Variants in PDZD2 observed in about 807,000 individuals in gnomAD.
The protein encoded by PDZD2 is PDZ domain-containing protein 2.
PDZD2 carries 90 observed loss-of-function variants against 220.7 expected under a neutral mutation model. That is an observed-to-expected ratio of 0.41 (90% CI 0.34 to 0.49). The LOEUF (loss-of-function observed/expected upper bound fraction) is 0.49, where lower values mean the gene tolerates loss of function less well. Among genes scored for constraint, PDZD2 ranks in the 20% least tolerant of loss-of-function variants. The pLI is 0.28. For missense variants in PDZD2, 3,174 were observed against 3,608.5 expected, an observed-to-expected ratio of 0.88 and a Z score of 3.08; for synonymous variants, 1,375 against 1,450.5, an observed-to-expected ratio of 0.95 and a Z score of 1.18.
chr5:32,037,208 G>T (rs1360111134), intron 6 of PDZD2, 23 bp from the exon 7 acceptor site: 1 of 1,499,792 alleles, frequency 6.7e-7, no homozygotes, highest in South Asian at 1.1e-5. Context: ...TCTCCCATCA[G>T]CTCTGTGCTT....
intron 7 of PDZD2, among the ~76,000 whole-genome samples, chr5:32,038,952 C>T (rs78021028): frequency 6.6e-6 from 1 of 152,192 alleles, no homozygotes; most frequent in Admixed American, 6.5e-5. Context: ...ATGTGTAGTA[C>T]GTTAACGTTC....
chr5:32,105,139 AAAAC>A (rs1463659371), intron 24 of PDZD2, among the ~76,000 whole-genome samples: 10 of 151,518 alleles, frequency 6.6e-5, no homozygotes, highest in East Asian at 1.9e-4. Context: ...GTCTCAAAAA[AAAAC>A]AATCAATCAA....
intron 1 of PDZD2, among the ~76,000 whole-genome samples, chr5:31,682,046 A>G (rs1358375105): frequency 1.3e-5 from 2 of 152,144 alleles, no homozygotes; most frequent in South Asian, 4.1e-4. Context: ...TCTCCCTAAG[A>G]CGCATAGATA....
rs997478074 is a variant in PDZD2, at chr5:32,110,780, T to C, written c.*2645T>C. The C allele has an allele frequency of 4.6e-5, 7 of 152,634 alleles. No homozygotes were observed. The highest frequency in any genetic ancestry group is 1.7e-4 in the African/African-American group (7 of 41,458). 9.5% of individuals were successfully genotyped at this position (152,634 alleles called of 1,614,324 possible). A position where few individuals can be genotyped will look rare whatever the true frequency, so the allele number is the denominator to read the frequency against. On this transcript the variant is annotated 3_prime_UTR_variant, in exon 25 of 25. Coordinates refer to ENST00000438447, the MANE Select transcript of PDZD2 (RefSeq NM_178140.4). ...TACATTAACCTTTATTTATGTAAAG[T>C]AAAATGCCTTATATATTAAAGAGTA...
At chr5:31,749,855 C>T (rs149140810) in intron 1 of PDZD2, among the ~76,000 whole-genome samples, 1,589 of 152,268 alleles carry the variant, frequency 0.01, 15 homozygotes, top group South Asian at 0.025. Flanking sequence ...AGGTGAGCCG[C>T]GCGTGGCTTC....
At chr5:31,713,640 G>A (rs1748261269) in intron 1 of PDZD2, among the ~76,000 whole-genome samples, 1 of 152,128 alleles carries the variant, frequency 6.6e-6, no homozygotes, top group Non-Finnish European at 1.5e-5. Context: ...GGAGCTGATT[G>A]TTAAAAAGAG....
chr5:32,095,260 T>A (rs879772123), intron 21 of PDZD2, among the ~76,000 whole-genome samples: 1 of 152,108 alleles, frequency 6.6e-6, no homozygotes, highest in Non-Finnish European at 1.5e-5. Flanking sequence ...AGGGTTGTGG[T>A]TTGGTTTGAA....
At chr5:31,692,486 C>T (rs759448557) in intron 1 of PDZD2, among the ~76,000 whole-genome samples, 1 of 152,242 alleles carries the variant, frequency 6.6e-6, no homozygotes, top group Non-Finnish European at 1.5e-5. Flanking sequence ...GTGCCGAGAG[C>T]GAGCGAGGGC....
rs192037959 is a variant in PDZD2, at chr5:31,910,719, A to G, written c.477-72436A>G. Among the ~76,000 whole-genome samples the G allele has an allele frequency of 3.2e-3, 485 of 150,528 alleles. 1 individual carries two copies. The highest frequency in any genetic ancestry group is 0.012 in the African/African-American group (472 of 40,986). On this transcript the variant is annotated intron_variant, in intron 2 of 24. Transcript: ENST00000438447. ...TTTTTTTTGTATTTTTAGTAGAGACAGGGTTTCACCATGTTGGCCAGGCTG... is the reference window on the plus strand; with the variant it reads ...TTTTTTTTGTATTTTTAGTAGAGACGGGGTTTCACCATGTTGGCCAGGCTG...
rs869267293 is a variant in PDZD2, at chr5:31,934,608, A to AG, written c.477-48547_477-48546insG. ...TAGGAGACATTTGAACCATCTAATT[A>AG]AAAAAAAAAAAAAAAAAAGACTTAA... is the stretch of plus-strand genomic sequence containing the variant. On this transcript the variant is annotated intron_variant, in intron 2 of 24. Coordinates refer to ENST00000438447, the MANE Select transcript of PDZD2 (RefSeq NM_178140.4). Among the ~76,000 whole-genome samples the AG allele has an allele frequency of 2.5e-3, 3 of 1,196 alleles. No individual in the cohort carries two copies. The South Asian group carries it at 0.19, about 75-fold the overall frequency. 0.8% of individuals were successfully genotyped at this position (1,196 alleles called of 152,430 possible). A position where few individuals can be genotyped will look rare whatever the true frequency, so the allele number is the denominator to read the frequency against.
intron 2 of PDZD2, among the ~76,000 whole-genome samples, chr5:31,939,259 A>G (rs1160929279): frequency 6.6e-6 from 1 of 152,152 alleles, no homozygotes; most frequent in Non-Finnish European, 1.5e-5. Context: ...TTGGCTCTGA[A>G]TTTAGAGATT....
chr5:31,831,911 C>CAA (rs56394577), intron 2 of PDZD2, among the ~76,000 whole-genome samples: 19,794 of 63,664 alleles, frequency 0.31, 3,912 homozygotes, highest in Non-Finnish European at 0.36. Context: ...GAGACTGTTT[C>CAA]AAAAAAAAAA....
At chr5:31,978,056 A>G (rs1749945246) in intron 2 of PDZD2, among the ~76,000 whole-genome samples, 1 of 152,212 alleles carries the variant, frequency 6.6e-6, no homozygotes, top group African/African-American at 2.4e-5. Context: ...TGGTCTTTCC[A>G]TTTGTCTTAA....
Position 31,639,259 on chromosome 5 carries a change from A to G in PDZD2, c.-539A>G, listed in dbSNP as rs976504253. 7.6e-4 allele frequency among the ~76,000 whole-genome samples: 114 copies of G among 150,920 alleles called. No homozygotes were observed. Among genetic ancestry groups the G allele is most frequent in the African/African-American group, 2.6e-3 (108 of 41,388 alleles). ...GCCGAGGAGCCGCAGGCCGAACCCAAGGCACCGGGATTGCGCCTCCCGCGG... is the reference window on the plus strand; with the variant it reads ...GCCGAGGAGCCGCAGGCCGAACCCAGGGCACCGGGATTGCGCCTCCCGCGG... On this transcript the variant is annotated 5_prime_UTR_variant, in exon 1 of 25. Coordinates refer to ENST00000438447, the MANE Select transcript of PDZD2 (RefSeq NM_178140.4). This position sits in a 1 kb window ranked among gnomAD's most constrained non-coding sequence, Gnocchi z 4.1.
chr5:31,997,424 A>C (rs1751723465), intron 4 of PDZD2, among the ~76,000 whole-genome samples: 2 of 152,238 alleles, frequency 1.3e-5, no homozygotes, highest in African/African-American at 4.8e-5. Context: ...AAGTAGAGAT[A>C]AGATTAACTG....
intron 2 of PDZD2, among the ~76,000 whole-genome samples, chr5:31,881,139 C>T (rs1739862839): frequency 6.6e-6 from 1 of 151,878 alleles, no homozygotes; most frequent in African/African-American, 2.4e-5. Context: ...ACTGGGATCT[C>T]TGATCAGCAG....
chr5:31,693,430 C>G (rs1174519540), intron 1 of PDZD2, among the ~76,000 whole-genome samples: 1 of 151,936 alleles, frequency 6.6e-6, no homozygotes, highest in East Asian at 1.9e-4. Context: ...TTAGTAAAGA[C>G]GGGGTGTCAT....
chr5:32,032,396 G>A (rs1388145555), intron 6 of PDZD2, among the ~76,000 whole-genome samples: 5 of 152,216 alleles, frequency 3.3e-5, no homozygotes, highest in African/African-American at 4.8e-5. Flanking sequence ...CAGTGGCCAC[G>A]TCGGTCACTT....
chr5:32,103,060 G>C (rs1226492537), intron 24 of PDZD2, among the ~76,000 whole-genome samples: 1 of 152,080 alleles, frequency 6.6e-6, no homozygotes, highest in Non-Finnish European at 1.5e-5. Flanking sequence ...AAAAAATGCA[G>C]TATAGGGAAA....
Sources: gnomAD v4.1 joint callset for allele counts (sites outside exome capture counted in the v4.1 genomes callset) on GRCh38, gnomAD v4.1.1 for gene constraint, Gnocchi (gnomAD v3.1) non-coding constraint, MANE v1.5 for transcripts, NCBI Gene and HGNC (gene_info 2026-07-23, HGNC 2026-07-21) for gene names.